ACTG2: variants seen among roughly 807,000 people sequenced by gnomAD.
ACTG2 encodes the protein actin, gamma-enteric smooth muscle.
In ACTG2, 16 loss-of-function variants were observed where a neutral mutation model predicts 37.6. The ratio of observed to expected loss-of-function variants is 0.43; its 90% CI spans 0.29 to 0.65. The LOEUF (loss-of-function observed/expected upper bound fraction) is 0.65, where lower values mean the gene tolerates loss of function less well. Among genes scored for constraint, ACTG2 ranks in the 30% least tolerant of loss-of-function variants. The pLI, the probability that ACTG2 is intolerant of heterozygous loss-of-function variation, is 0.18. For synonymous variants in ACTG2, 181 were observed against 179.9 expected, an observed-to-expected ratio of 1.01 and a Z score of -0.05; for missense variants, 238 against 490.9, an observed-to-expected ratio of 0.48 and a Z score of 4.87.
At chr2:73,899,197 G>A (rs1333502749) in intron 1 of ACTG2, among the ~76,000 whole-genome samples, 1 of 152,050 alleles carries the variant, frequency 6.6e-6, no homozygotes, top group Non-Finnish European at 1.5e-5. Flanking sequence ...GTGTGTGGTG[G>A]GTCACTTGTA....
Position 73,901,418 on chromosome 2 carries a change from T to C in ACTG2, c.107T>C (p.Val36Ala). Residue 36 changes from valine to alanine, a missense_variant, in exon 2 of 9, where the codon GTG (valine) becomes GCG (alanine). By Grantham distance (64) the Val-to-Ala change is moderately conservative (BLOSUM62 0). Transcript: ENST00000345517. ...DAPRAVFPSIVGRPRHQGVMV... is the reference protein window; with the variant it reads ...DAPRAVFPSIAGRPRHQGVMV... ...CCCCGGGCTGTCTTCCCCTCCATTGTGGGCCGCCCTCGCCACCAGGTGCGT... is the reference window on the plus strand; with the variant it reads ...CCCCGGGCTGTCTTCCCCTCCATTGCGGGCCGCCCTCGCCACCAGGTGCGT... 6.2e-7 allele frequency: 1 copy of C among 1,614,176 alleles called. No individual in the cohort carries two copies. The highest frequency in any genetic ancestry group is 8.5e-7 in the Non-Finnish European group (1 of 1,180,022).
At chr2:73,901,157 C>A in intron 1 of ACTG2, 119 bp from the exon 2 acceptor site, 1 of 803,848 alleles carries the variant, frequency 1.2e-6, no homozygotes, top group Non-Finnish European at 1.8e-6. Flanking sequence ...CAAGCCCATG[C>A]CTGTCCCTCC....
intron 3 of ACTG2, among the ~76,000 whole-genome samples, chr2:73,907,309 T>C (rs1252072636): frequency 1.3e-5 from 2 of 152,128 alleles, no homozygotes; most frequent in Non-Finnish European, 2.9e-5. Flanking sequence ...TGGCGGTCCA[T>C]AAATACATGG....
intron 3 of ACTG2, among the ~76,000 whole-genome samples, chr2:73,904,777 G>GTGTGTGTATATATATATA (rs1427483105): frequency 2.8e-4 from 12 of 42,626 alleles, no homozygotes; most frequent in South Asian, 1.0e-3. Context: ...GTGTGTGTGT[G>GTGTGTGTATATATATATA]TATATATATA....
rs58042852 is a variant in ACTG2 at position 73,901,532 on chromosome 2, ATGTGTGTGTG to A, written c.126+135_126+144del. The A allele has an allele frequency of 2.0e-3, 2,309 of 1,144,702 alleles. 12 individuals are homozygous for A. Among genetic ancestry groups the A allele is most frequent in the African/African-American group, 8.7e-3 (455 of 52,586 alleles). The allele number at this position is 1,144,702 out of a possible 1,614,324, so 70.9% of individuals were successfully genotyped here. ...CTGAGCTGGGGGTTAGGGGAAGGAA[ATGTGTGTGTG>A]TGTGTGTGTGTGTGTGTGTGTGTGT... On this transcript the variant is annotated intron_variant, in intron 2 of 8. Transcript: ENST00000345517.
At chr2:73,899,664 C>T (rs912354399) in intron 1 of ACTG2, among the ~76,000 whole-genome samples, 1 of 152,116 alleles carries the variant, frequency 6.6e-6, no homozygotes, top group East Asian at 1.9e-4. Context: ...AAGAGTAGAG[C>T]CCTGGGACAT....
At chr2:73,911,386 A>G (rs899266196) in intron 5 of ACTG2, among the ~76,000 whole-genome samples, 3 of 151,966 alleles carry the variant, frequency 2.0e-5, no homozygotes, top group Non-Finnish European at 4.4e-5. Flanking sequence ...AGTCCCAGCT[A>G]CTCGGTAGGC....
At chr2:73,900,527 C>T (rs1033990614) in intron 1 of ACTG2, among the ~76,000 whole-genome samples, 1 of 152,134 alleles carries the variant, frequency 6.6e-6, no homozygotes, top group Non-Finnish European at 1.5e-5. Flanking sequence ...CTCTGTTGTC[C>T]CCATCTGTCG....
chr2:73,898,802 C>CTTTTTT (rs1165118275), intron 1 of ACTG2, among the ~76,000 whole-genome samples: 5 of 92,990 alleles, frequency 5.4e-5, no homozygotes, highest in African/African-American at 1.1e-4. Flanking sequence ...TTTTTTTTTT[C>CTTTTTT]TTTTTTTTTT....
At position 73,907,422 on chromosome 2, in the gene ACTG2, C is replaced by T. The variant is rs778920529; in HGVS notation, c.256-1251C>T. Among the ~76,000 whole-genome samples the T allele has an allele frequency of 1.8e-4, 27 of 152,260 alleles. 1 individual carries two copies. The highest frequency in any genetic ancestry group is 5.8e-4 in the African/African-American group (24 of 41,562). The stretch of plus-strand genomic sequence containing the variant: ...TCCCTCTGAAAGACTCCTTTTTGGT[C>T]GTACTTGATCACTGAAGAAGGAACT... On this transcript the variant is annotated intron_variant, in intron 3 of 8. Coordinates refer to ENST00000345517, the MANE Select transcript of ACTG2 (RefSeq NM_001615.4).
chr2:73,898,371 T>TTTTTTTTTTTTTTTTTTTGAG (rs1679798255), intron 1 of ACTG2, among the ~76,000 whole-genome samples: 3 of 133,804 alleles, frequency 2.2e-5, no homozygotes, highest in Non-Finnish European at 5.0e-5. Context: ...TCTATTGTAT[T>TTTTTTTTTTTTTTTTTTTGAG]AAATATTTCA....
At chr2:73,916,802 G>T in intron 8 of ACTG2, 37 bp downstream of exon 8, 2 of 1,596,494 alleles carry the variant, frequency 1.3e-6, no homozygotes, top group Non-Finnish European at 1.7e-6. Flanking sequence ...CCTGTTCTTT[G>T]TATAAAGTCT....
chr2:73,897,437 CTG>C (rs1679773659), intron 1 of ACTG2: 1 of 152,336 alleles, frequency 6.6e-6, no homozygotes, highest in Non-Finnish European at 1.5e-5. Flanking sequence ...GGTGGACCAC[CTG>C]CTAGAACAGG....
At chr2:73,906,641 T>G (rs767607837) in intron 3 of ACTG2, among the ~76,000 whole-genome samples, 1 of 151,830 alleles carries the variant, frequency 6.6e-6, no homozygotes, top group Non-Finnish European at 1.5e-5. Flanking sequence ...CCACATCCAG[T>G]TGATTTTTTA....
chr2:73,916,984 TG>T (rs1680284508), intron 8 of ACTG2, among the ~76,000 whole-genome samples: 1 of 152,134 alleles, frequency 6.6e-6, no homozygotes, highest in South Asian at 2.1e-4. Context: ...ATCCCAGGAA[TG>T]TCACATGAGA....
intron 3 of ACTG2, chr2:73,902,784 C>T: frequency 6.5e-7 from 1 of 1,544,928 alleles, no homozygotes; most frequent in East Asian, 2.4e-5. Context: ...TCATGTCACT[C>T]ACCTCCTCAG....
rs978896811 is a variant in ACTG2, at chr2:73,901,413, C to T, written c.102C>T (p.Ser34=). 16 of 1,614,164 alleles carry T rather than the reference C, an allele frequency of 9.9e-6. No homozygotes were observed. Among genetic ancestry groups the T allele is most frequent in the African/African-American group, 1.3e-5 (1 of 75,060 alleles). The change falls in exon 2 of 9, where the codon TCC becomes TCT. Residue 34 remains serine (S), a synonymous_variant. Coordinates refer to ENST00000345517, the MANE Select transcript of ACTG2 (RefSeq NM_001615.4). ...GDDAPRAVFP[S]IVGRPRHQGV... Reference sequence around the variant, plus strand: ...ATGCCCCCCGGGCTGTCTTCCCCTCCATTGTGGGCCGCCCTCGCCACCAGG... The same window carrying T: ...ATGCCCCCCGGGCTGTCTTCCCCTCTATTGTGGGCCGCCCTCGCCACCAGG...
chr2:73,904,353 T>C (rs1679960129), intron 3 of ACTG2, among the ~76,000 whole-genome samples: 1 of 151,860 alleles, frequency 6.6e-6, no homozygotes, highest in African/African-American at 2.4e-5. Context: ...ATGTGAACTC[T>C]TTAAAGAAAC....
At position 73,919,436 on chromosome 2, in the gene ACTG2, T is replaced by C; in HGVS notation, c.992T>C (p.Ile331Thr). 2.0e-5 allele frequency: 32 copies of C among 1,613,390 alleles called. No homozygotes were observed. Among genetic ancestry groups the C allele is most frequent in the Non-Finnish European group, 2.7e-5 (32 of 1,179,968 alleles). The change falls in exon 9 of 9, where the codon ATT becomes ACT. Residue 331 changes from isoleucine (I) to threonine (T), a missense_variant. Transcript: ENST00000345517. The stretch of plus-strand genomic sequence containing the variant: ...CACCACATTTGTTCTTTGCAGATTA[T>C]TGCTCCCCCAGAGCGGAAGTACTCA... ...LAPSTMKIKIIAPPERKYSVW... is the reference protein window; with the variant it reads ...LAPSTMKIKITAPPERKYSVW...
Sources: allele counts gnomAD v4.1 joint callset (sites outside exome capture counted in the v4.1 genomes callset), GRCh38; gene constraint gnomAD v4.1.1; transcripts MANE v1.5; gene names NCBI Gene and HGNC (gene_info 2026-07-23, HGNC 2026-07-21).